Variants in PAN3 observed in about 807,000 individuals in gnomAD.
PAN3 encodes PAN2-PAN3 deadenylation complex subunit PAN3.
In PAN3, 19 loss-of-function variants were observed where a neutral mutation model predicts 96.2. The observed-to-expected ratio is 0.20, with a 90% CI of 0.14 to 0.29. The LOEUF (loss-of-function observed/expected upper bound fraction) is 0.29, where lower values mean the gene tolerates loss of function less well. Among genes scored for constraint, PAN3 ranks in the 10% least tolerant of loss-of-function variants. The probability of loss-of-function intolerance (pLI) is 1.00; values close to 1 mark genes in which losing one functional copy is unlikely to be tolerated. For synonymous variants in PAN3, 433 were observed against 406.6 expected (o/e 1.06, Z -0.78); for missense variants, 882 against 1,108.1 (o/e 0.80, Z 2.90).
intron 12 of PAN3, among the ~76,000 whole-genome samples, chr13:28,267,617 A>G (rs1449342723): frequency 1.3e-5 from 2 of 152,216 alleles, no homozygotes; most frequent in African/African-American, 4.8e-5. Flanking sequence ...TTACAGTTCC[A>G]TGTGGCTTGG....
chr13:28,177,903 T>C lies in PAN3; in HGVS notation c.658T>C (p.Phe220Leu), dbSNP rs1170913282. ...TSPASSLFND[F>L]GALNISQRRK... Reference sequence around the variant, plus strand: ...ACCTGCTTCATCCTTGTTTAATGACTTTGGTGCCCTCAACATCTCTCAGAG... The same window carrying C: ...ACCTGCTTCATCCTTGTTTAATGACCTTGGTGCCCTCAACATCTCTCAGAG... The change falls in exon 4 of 19, where the codon TTT becomes CTT. Residue 220 changes from phenylalanine to leucine, a missense_variant. Coordinates refer to ENST00000380958, the MANE Select transcript of PAN3 (RefSeq NM_175854.8). 6.2e-7 allele frequency: 1 copy of C among 1,613,026 alleles called. No homozygotes were observed. The highest frequency in any genetic ancestry group is 8.5e-7 in the Non-Finnish European group (1 of 1,179,224).
At chr13:28,189,223 A>T (rs1309353261) in intron 4 of PAN3, among the ~76,000 whole-genome samples, 1 of 152,168 alleles carries the variant, frequency 6.6e-6, no homozygotes, top group African/African-American at 2.4e-5. Flanking sequence ...TGATCTTAAA[A>T]GCTCTCAGTG....
intron 6 of PAN3, among the ~76,000 whole-genome samples, chr13:28,252,726 A>G (rs1884836453): frequency 6.6e-6 from 1 of 152,182 alleles, no homozygotes; most frequent in African/African-American, 2.4e-5. Context: ...TAATTATTGT[A>G]TACTGATGTC....
chr13:28,228,889 A>G (rs999273571), intron 6 of PAN3, among the ~76,000 whole-genome samples: 1 of 152,172 alleles, frequency 6.6e-6, no homozygotes, highest in Non-Finnish European at 1.5e-5. Flanking sequence ...ATGTAATGAC[A>G]TGGCTTAATA....
chr13:28,280,294 A>G, intron 15 of PAN3, 118 bp from the exon 16 acceptor site: 1 of 1,237,738 alleles, frequency 8.1e-7, no homozygotes, highest in Non-Finnish European at 1.1e-6. Context: ...CATGAATTAA[A>G]ATGTTTTCAA....
In PAN3 at chr13:28,197,294, G is replaced by A. The variant is rs1878174420; in HGVS notation, c.800G>A (p.Gly267Glu). Residue 267 changes from glycine to glutamate, a missense_variant, in exon 5 of 19, where the codon GGA becomes GAA. Physicochemically the swap from Gly to Glu is moderately conservative, Grantham distance 98. Around this residue, in one of 3 missense-constraint regions of PAN3, gnomAD observed 442 missense variants for 422.8 expected, o/e 1.05. Coordinates refer to ENST00000380958, the MANE Select transcript of PAN3 (RefSeq NM_175854.8). ...IGCLADRCKS[G>E]VPINMVWWNR... ...TGCCTTGCTGACAGGTGTAAATCAG[G>A]AGTACCCATCAATATGGTTTGGTGG... 6 of 1,611,990 alleles carry A rather than the reference G, an allele frequency of 3.7e-6. No homozygotes were observed. Among genetic ancestry groups the A allele is most frequent in the Non-Finnish European group, 5.1e-6 (6 of 1,179,020 alleles).
intron 1 of PAN3, among the ~76,000 whole-genome samples, chr13:28,170,712 G>GTCATCA (rs570754534): frequency 6.6e-6 from 1 of 151,828 alleles, no homozygotes; most frequent in Non-Finnish European, 1.5e-5. Flanking sequence ...GGATTGCTCT[G>GTCATCA]TCATCATCAT....
At chr13:28,163,560 T>A (rs1873147372) in intron 1 of PAN3, among the ~76,000 whole-genome samples, 1 of 152,228 alleles carries the variant, frequency 6.6e-6, no homozygotes, top group African/African-American at 2.4e-5. Context: ...TTACAGTTAC[T>A]TGCTCATGCT....
rs749436987 is a variant in PAN3, at chr13:28,154,913, C to T, written c.430+15826C>T. Among the ~76,000 whole-genome samples, 19 of 150,808 alleles carry T rather than the reference C, an allele frequency of 1.3e-4. No homozygotes were observed. In the East Asian group the frequency reaches 1.6e-3, roughly 12 times the overall value. On this transcript the variant is annotated intron_variant, in intron 1 of 18. Coordinates refer to ENST00000380958, the MANE Select transcript of PAN3 (RefSeq NM_175854.8). ...TCGGCTCACTGCAAGCTCCACCTCC[C>T]GGGTTCACGCCATTCTCCTGCCTCA... is the stretch of plus-strand genomic sequence containing the variant.
chr13:28,270,007 C>G (rs1886479016), intron 12 of PAN3, among the ~76,000 whole-genome samples: 1 of 152,058 alleles, frequency 6.6e-6, no homozygotes, highest in African/African-American at 2.4e-5. Context: ...GCAGGTAGAT[C>G]ATTTGAGCCC....
intron 14 of PAN3, among the ~76,000 whole-genome samples, chr13:28,276,571 G>GC (rs1276817094): frequency 1.5e-4 from 23 of 152,194 alleles, no homozygotes; most frequent in Admixed American, 1.3e-3. Context: ...TTTTAGGAAA[G>GC]CAGGTGGTGG....
intron 6 of PAN3, among the ~76,000 whole-genome samples, chr13:28,224,331 G>C (rs917192452): frequency 1.3e-5 from 2 of 152,190 alleles, no homozygotes; most frequent in African/African-American, 4.8e-5. Context: ...GTGTTTGAAA[G>C]TGACTGTAAG....
At chr13:28,153,807 C>G (rs1473365471) in intron 1 of PAN3, among the ~76,000 whole-genome samples, 1 of 152,182 alleles carries the variant, frequency 6.6e-6, no homozygotes, top group East Asian at 1.9e-4. Flanking sequence ...TTGCTAGTTT[C>G]TCCAAAATTC....
At chr13:28,168,590 A>T (rs764403527) in intron 1 of PAN3, among the ~76,000 whole-genome samples, 4 of 152,152 alleles carry the variant, frequency 2.6e-5, no homozygotes, top group Admixed American at 1.3e-4. Flanking sequence ...ATGGTGGCAC[A>T]TGCCTGTAAT....
rs1886534280 is a variant in PAN3, at chr13:28,270,623, T to C, written c.1793-78T>C. On this transcript the variant is annotated intron_variant, in intron 12 of 18. Transcript: ENST00000380958. ...GCCATGAGTGTACATGAATTGTCTT[T>C]GCTAATTTTGATGTTAATGCTTTAG... 2.1e-6 allele frequency: 3 copies of C among 1,441,850 alleles called. No individual in the cohort carries two copies. The African/African-American group carries it at 4.2e-5, about 20-fold the overall frequency. 89.3% of individuals were successfully genotyped at this position (1,441,850 alleles called of 1,614,324 possible).
At chr13:28,163,959 G>A (rs181916668) in intron 1 of PAN3, among the ~76,000 whole-genome samples, 275 of 152,254 alleles carry the variant, frequency 1.8e-3, no homozygotes, top group Middle Eastern at 0.01. Context: ...CAGGCATAGT[G>A]GTGTGCGCCT....
At chr13:28,260,377 G>T in intron 7 of PAN3, 70 bp from the exon 8 acceptor site, 1 of 1,227,494 alleles carries the variant, frequency 8.1e-7, no homozygotes, top group South Asian at 1.2e-5. Flanking sequence ...CTGGGCAACA[G>T]AGCAAGACTC....
At chr13:28,228,643 G>A (rs1024404899) in intron 6 of PAN3, among the ~76,000 whole-genome samples, 4 of 152,016 alleles carry the variant, frequency 2.6e-5, no homozygotes, top group Non-Finnish European at 4.4e-5. Context: ...TTTGGTGGGG[G>A]TACCTTTGAG....
intron 4 of PAN3, among the ~76,000 whole-genome samples, chr13:28,181,849 C>G (rs1276055980): frequency 6.6e-6 from 1 of 151,986 alleles, no homozygotes; most frequent in Non-Finnish European, 1.5e-5. Context: ...AAAAAGTGAT[C>G]TTTTTTGATG....
Sources: allele counts gnomAD v4.1 joint callset (sites outside exome capture counted in the v4.1 genomes callset), GRCh38; gene constraint gnomAD v4.1.1; regional missense constraint gnomAD v4.1.1; transcripts MANE v1.5; gene names NCBI Gene and HGNC (gene_info 2026-07-23, HGNC 2026-07-21).